The following MRTFB variants were observed in gnomAD, a reference collection of about 807,000 sequenced individuals.
The protein encoded by MRTFB is myocardin related transcription factor B.
MRTFB carries 29 observed loss-of-function variants against 104.2 expected under a neutral mutation model. That is an observed-to-expected ratio of 0.28 (90% CI 0.21 to 0.38). The LOEUF is 0.38. MRTFB is among the 10% of genes least tolerant of loss of function. MRTFB has a pLI of 1.00. For missense variants in MRTFB, 1,270 were observed against 1,341.6 expected (o/e 0.95, Z 0.83); for synonymous variants, 535 against 519.5 (o/e 1.03, Z -0.41).
At chr16:14,159,460 T>C (rs529923155) in intron 3 of MRTFB, among the ~76,000 whole-genome samples, 169 of 152,316 alleles carry the variant, frequency 1.1e-3, no homozygotes, top group African/African-American at 3.8e-3. Context: ...TAGATTATTA[T>C]GGGAATTTAT....
upstream of MRTFB, chr16:14,071,191 G>T (rs552759246): frequency 4.6e-5 from 7 of 153,040 alleles, no homozygotes; most frequent in South Asian, 1.3e-3. Context: ...GGCGAGCAGC[G>T]AGAGAGGCCG....
intron 3 of MRTFB, among the ~76,000 whole-genome samples, chr16:14,182,706 C>G (rs73516960): frequency 0.11 from 17,187 of 152,062 alleles, 2,223 homozygotes; most frequent in African/African-American, 0.32. Flanking sequence ...AAAAGTACAA[C>G]ATGAGTCTGG....
At chr16:14,225,449 A>T (rs1032698499) in intron 8 of MRTFB, among the ~76,000 whole-genome samples, 1 of 152,208 alleles carries the variant, frequency 6.6e-6, no homozygotes, top group Non-Finnish European at 1.5e-5. Context: ...CGTAATTCTA[A>T]GATGTTATTT....
chr16:14,178,483 T>G (rs933240108), intron 3 of MRTFB, among the ~76,000 whole-genome samples: 2 of 152,194 alleles, frequency 1.3e-5, no homozygotes, highest in Admixed American at 1.3e-4. Context: ...CTTCTCAAGC[T>G]TTGCTTTTGT....
chr16:14,138,193 G>A (rs1019413272), intron 2 of MRTFB, among the ~76,000 whole-genome samples: 18 of 152,060 alleles, frequency 1.2e-4, no homozygotes, highest in Non-Finnish European at 2.9e-5. Context: ...ACATCTACAT[G>A]TAGTGTAAAC....
chr16:14,093,112 C>G (rs1293084239), intron 2 of MRTFB, among the ~76,000 whole-genome samples: 1 of 152,120 alleles, frequency 6.6e-6, no homozygotes, highest in African/African-American at 2.4e-5. Flanking sequence ...GTGCTTCCAA[C>G]TCTGTCTTCC....
chr16:13,999,500 CA>C, the MRTFB span, among the ~76,000 whole-genome samples: 8,040 of 88,328 alleles, frequency 0.091, 249 homozygotes, highest in Middle Eastern at 0.21. Context: ...AGCCTTCTGG[CA>C]AAAAAAAAAA....
the MRTFB span, among the ~76,000 whole-genome samples, chr16:13,999,227 C>T: frequency 6.6e-6 from 1 of 151,282 alleles, no homozygotes; most frequent in Non-Finnish European, 1.5e-5. Flanking sequence ...CTTCTAACCT[C>T]AGAGGCTTTC....
At chr16:14,092,002 A>G (rs1312070334) in intron 2 of MRTFB, among the ~76,000 whole-genome samples, 1 of 101,366 alleles carries the variant, frequency 9.9e-6, no homozygotes, top group Admixed American at 9.3e-5. Flanking sequence ...CTCAAAAAAA[A>G]AAAAAAAAAA....
the MRTFB span, among the ~76,000 whole-genome samples, chr16:14,036,952 C>A: frequency 9.9e-6 from 1 of 100,728 alleles, no homozygotes; most frequent in Non-Finnish European, 1.9e-5. Context: ...TTCACACTGC[C>A]AGATCATCTC....
At chr16:14,216,788 C>T (rs541150649) in intron 6 of MRTFB, among the ~76,000 whole-genome samples, 17 of 152,158 alleles carry the variant, frequency 1.1e-4, no homozygotes, top group Non-Finnish European at 1.6e-4. Flanking sequence ...GGGCCACATC[C>T]GTCTTGCCCA....
At chr16:14,147,051 G>A (rs547237809) in intron 3 of MRTFB, among the ~76,000 whole-genome samples, 2 of 152,196 alleles carry the variant, frequency 1.3e-5, no homozygotes, top group African/African-American at 2.4e-5. Flanking sequence ...AAATCTTGTC[G>A]TTGGCTTTGC....
intron 6 of MRTFB, among the ~76,000 whole-genome samples, 190 bp downstream of exon 6, chr16:14,213,810 T>A (rs2041299057): frequency 6.6e-6 from 1 of 152,178 alleles, no homozygotes; most frequent in African/African-American, 2.4e-5. Flanking sequence ...ATTCTTCACA[T>A]AACCAATTAA....
chr16:14,158,173 T>C (rs1453120259), intron 3 of MRTFB, among the ~76,000 whole-genome samples: 3 of 152,218 alleles, frequency 2.0e-5, no homozygotes, highest in African/African-American at 7.2e-5. Flanking sequence ...TTTTTCTCAT[T>C]CCTTTTGGTA....
At chr16:14,236,262 G>A (rs2042501845) in intron 9 of MRTFB, among the ~76,000 whole-genome samples, 1 of 152,182 alleles carries the variant, frequency 6.6e-6, no homozygotes, top group Non-Finnish European at 1.5e-5. Context: ...TAATATTGTG[G>A]GATTGAAGGA....
intron 3 of MRTFB, among the ~76,000 whole-genome samples, chr16:14,180,624 G>A (rs2039735932): frequency 6.6e-6 from 1 of 152,204 alleles, no homozygotes; most frequent in Non-Finnish European, 1.5e-5. Context: ...GTGAATGGCT[G>A]CCTGAGGAGG....
chr16:14,048,723 A>T, the MRTFB span, among the ~76,000 whole-genome samples: 3 of 152,226 alleles, frequency 2.0e-5, no homozygotes, highest in Non-Finnish European at 4.4e-5. Context: ...GAAAGTCACA[A>T]GGTTGAGACT....
chr16:14,067,739 A>AG (rs1378314797), upstream of MRTFB, among the ~76,000 whole-genome samples: 2 of 152,174 alleles, frequency 1.3e-5, no homozygotes, highest in African/African-American at 4.8e-5. Context: ...TTTCATGACT[A>AG]GGGGGAAGTA....
chr16:14,040,232 T>G, the MRTFB span, among the ~76,000 whole-genome samples: 1 of 152,242 alleles, frequency 6.6e-6, no homozygotes, highest in Non-Finnish European at 1.5e-5. Context: ...TATTTATCCA[T>G]TCCTCTACTA....
Sources: gnomAD v4.1 joint callset for allele counts (sites outside exome capture counted in the v4.1 genomes callset) on GRCh38, gnomAD v4.1.1 for gene constraint, MANE v1.5 for transcripts, NCBI Gene and HGNC (gene_info 2026-07-23, HGNC 2026-07-21) for gene names.